The following SH2D1A variants were observed in gnomAD, a reference collection of about 807,000 sequenced individuals.
The protein encoded by SH2D1A is SH2 domain containing 1A.
In SH2D1A, 6 loss-of-function variants were observed where a neutral mutation model predicts 10.1. That is an observed-to-expected ratio of 0.60 (90% CI 0.33 to 1.18). The LOEUF (loss-of-function observed/expected upper bound fraction) is 1.18. SH2D1A is among the 50% of genes most tolerant of loss of function. SH2D1A has a pLI of 0.04. For missense variants in SH2D1A, 51 were observed against 97.6 expected, an observed-to-expected ratio of 0.52 and a Z score of 2.01; for synonymous variants, 42 against 36.9, an observed-to-expected ratio of 1.14 and a Z score of -0.51.
chrX:124,361,326 C>A (rs1331119235), intron 1 of SH2D1A, among the ~76,000 whole-genome samples: 1 of 111,825 alleles, frequency 8.9e-6, no homozygotes, highest in East Asian at 2.8e-4. Context: ...ACCTTACCAG[C>A]ACCTTGATCT....
chrX:124,362,243 A>G (rs2060041722), intron 1 of SH2D1A, among the ~76,000 whole-genome samples: 2 of 112,388 alleles, frequency 1.8e-5, no homozygotes, highest in South Asian at 7.4e-4. Context: ...CTTGGTTTCA[A>G]AAAGTGAGAC....
intron 3 of SH2D1A, 51 bp downstream of exon 3, chrX:124,370,371 G>A (rs774301867): frequency 1.0e-6 from 1 of 999,299 alleles, no homozygotes; most frequent in Admixed American, 2.2e-5. Context: ...AGAGTTATGA[G>A]TCAACCTGTT....
In SH2D1A at chrX:124,350,619, G is replaced by GAT. The variant is rs1445721337; in HGVS notation, c.137+3842_137+3843dup. Among the ~76,000 whole-genome samples the GAT allele has an allele frequency of 2.1e-3, 93 of 44,254 alleles. 1 individual carries two copies. The highest frequency in any genetic ancestry group is 3.0e-3 in the Non-Finnish European group (85 of 28,619). The allele number at this position is 44,254 out of a possible 115,157, so 38.4% of individuals were successfully genotyped here. On this transcript the variant is annotated intron_variant, in intron 1 of 3. Transcript: ENST00000371139. ...AGAATATATTATATATTGTATATAA[G>GAT]ATAATATATTATATATTGTATATAA...
chrX:124,350,342 TA>T (rs1287200536), intron 1 of SH2D1A, among the ~76,000 whole-genome samples: 3 of 28,314 alleles, frequency 1.1e-4, no homozygotes, highest in African/African-American at 3.4e-4. Context: ...ATATAATATA[TA>T]AATATATATT....
chrX:124,363,786 C>T (rs558476980), intron 1 of SH2D1A, among the ~76,000 whole-genome samples: 7 of 102,703 alleles, frequency 6.8e-5, no homozygotes, highest in South Asian at 9.6e-4. Context: ...CTCAGCTACT[C>T]GGGAGGCTGA....
Position 124,346,575 on chromosome X carries a change from G to C in SH2D1A, c.-68G>C. On this transcript the variant is annotated 5_prime_UTR_variant, in exon 1 of 4. Transcript: ENST00000371139. ...GAGTCAGGTGGTTGACTTGTGCCTG[G>C]CTGCAGTAGCAGCGGCATCTCCCTT... 8.6e-7 allele frequency: 1 copy of C among 1,168,333 alleles called. No homozygotes were observed. Among genetic ancestry groups the C allele is most frequent in the Non-Finnish European group, 1.2e-6 (1 of 857,017 alleles).
At chrX:124,355,460 A>G (rs2060024137) in intron 1 of SH2D1A, among the ~76,000 whole-genome samples, 1 of 112,131 alleles carries the variant, frequency 8.9e-6, no homozygotes, top group Non-Finnish European at 1.9e-5. Flanking sequence ...TTCTTTAACA[A>G]TTATTCATGT....
intron 1 of SH2D1A, among the ~76,000 whole-genome samples, chrX:124,364,849 A>C (rs1412310760): frequency 9.0e-6 from 1 of 110,947 alleles, no homozygotes; most frequent in Non-Finnish European, 1.9e-5. Context: ...CTTCACATTC[A>C]CTCACCACTC....
chrX:124,347,960 G>C (rs913598816), intron 1 of SH2D1A, among the ~76,000 whole-genome samples: 1 of 111,129 alleles, frequency 9.0e-6, no homozygotes, highest in Non-Finnish European at 1.9e-5. Context: ...TAAATGCTTG[G>C]TAGTAAGTTC....
chrX:124,350,330 A>C (rs1214383180), intron 1 of SH2D1A, among the ~76,000 whole-genome samples: 1 of 27,869 alleles, frequency 3.6e-5, no homozygotes, highest in African/African-American at 1.8e-4. Flanking sequence ...ATATTATATA[A>C]TATATAATAT....
intron 1 of SH2D1A, among the ~76,000 whole-genome samples, chrX:124,360,559 C>A (rs768347664): frequency 1.0e-5 from 1 of 96,352 alleles, no homozygotes; most frequent in East Asian, 3.2e-4. Context: ...GCTATGATCA[C>A]CCTACTGTAC....
Position 124,372,054 on chromosome X carries a change from G to A in SH2D1A, c.*663G>A, listed in dbSNP as rs2060070728. The A allele has an allele frequency of 6.2e-6, 1 of 160,586 alleles. No individual in the cohort carries two copies. Among genetic ancestry groups the A allele is most frequent in the Admixed American group, 8.1e-5 (1 of 12,290 alleles). 13.2% of individuals were successfully genotyped at this position (160,586 alleles called of 1,213,427 possible). A position where few individuals can be genotyped will look rare whatever the true frequency, so the allele number is the denominator to read the frequency against. On this transcript the variant is annotated 3_prime_UTR_variant, in exon 4 of 4. Coordinates refer to ENST00000371139, the MANE Select transcript of SH2D1A (RefSeq NM_002351.5). The stretch of plus-strand genomic sequence containing the variant: ...ATGTTTATCGTATTTGATGCTACAG[G>A]ATTTGAAATTGTATTACAAATCCAA...
At chrX:124,352,306 A>G (rs767275849) in intron 1 of SH2D1A, among the ~76,000 whole-genome samples, 3 of 111,693 alleles carry the variant, frequency 2.7e-5, no homozygotes, top group South Asian at 3.7e-4. Context: ...ATTCTTATAT[A>G]TAACAGTTAC....
rs2060068994 is a variant in SH2D1A at position 124,371,453 on chromosome X, A to G, written c.*62A>G. The G allele has an allele frequency of 5.4e-6, 4 of 743,994 alleles. No individual in the cohort carries two copies. The highest frequency in any genetic ancestry group is 8.1e-6 in the Non-Finnish European group (4 of 494,381). 61.3% of individuals were successfully genotyped at this position (743,994 alleles called of 1,213,427 possible). ...TTTAAATATATGCTAAGTCTTATAT[A>G]TTGTAGATAATACAGTTCGGTGAGC... On this transcript the variant is annotated 3_prime_UTR_variant, in exon 4 of 4. Coordinates refer to ENST00000371139, the MANE Select transcript of SH2D1A (RefSeq NM_002351.5).
At chrX:124,363,504 ATGT>A (rs1433562020) in intron 1 of SH2D1A, among the ~76,000 whole-genome samples, 7 of 111,548 alleles carry the variant, frequency 6.3e-5, no homozygotes, top group African/African-American at 2.0e-4. Flanking sequence ...CCACCTACTG[ATGT>A]TGTAGCCATT....
chrX:124,359,673 T>C (rs1369052440), intron 1 of SH2D1A, among the ~76,000 whole-genome samples: 2 of 111,910 alleles, frequency 1.8e-5, no homozygotes, highest in Admixed American at 9.5e-5. Context: ...GACTTTAACA[T>C]TGTAATATTG....
chrX:124,356,821 G>A (rs2060027683), intron 1 of SH2D1A, among the ~76,000 whole-genome samples: 1 of 111,849 alleles, frequency 8.9e-6, no homozygotes, highest in Non-Finnish European at 1.9e-5. Flanking sequence ...CATTGTTTCT[G>A]CTATAATTCC....
Position 124,372,855 on chromosome X carries a change from A to G in SH2D1A, c.*1464A>G. The G allele has an allele frequency of 6.2e-6, 1 of 161,132 alleles. No homozygotes were observed. The highest frequency in any genetic ancestry group is 8.0e-5 in the Admixed American group (1 of 12,439). The allele number at this position is 161,132 out of a possible 1,213,427, so 13.3% of individuals were successfully genotyped here. A position where few individuals can be genotyped will look rare whatever the true frequency, so the allele number is the denominator to read the frequency against. ...ACAAAAGTGGAGTGTGGCCTGAGTAATGCATTATGGGTGGTTTACCATTTC... is the reference window on the plus strand; with the variant it reads ...ACAAAAGTGGAGTGTGGCCTGAGTAGTGCATTATGGGTGGTTTACCATTTC... On this transcript the variant is annotated 3_prime_UTR_variant, in exon 4 of 4. Transcript: ENST00000371139.
chrX:124,370,375 A>G (rs1406624429), intron 3 of SH2D1A, 55 bp downstream of exon 3: 1 of 960,893 alleles, frequency 1.0e-6, no homozygotes, highest in African/African-American at 1.9e-5. Flanking sequence ...TTATGAGTCA[A>G]CCTGTTCATA....
Sources: gnomAD v4.1 joint callset for allele counts (sites outside exome capture counted in the v4.1 genomes callset) on GRCh38, gnomAD v4.1.1 for gene constraint, MANE v1.5 for transcripts, NCBI Gene and HGNC (gene_info 2026-07-23, HGNC 2026-07-21) for gene names.